TUSC3: variants seen among roughly 807,000 people sequenced by gnomAD.
The protein encoded by TUSC3 is dolichyl-diphosphooligosaccharide--protein glycosyltransferase subunit TUSC3.
In TUSC3, 45 loss-of-function variants were observed where a neutral mutation model predicts 44.8. The ratio of observed to expected loss-of-function variants is 1.00; its 90% CI spans 0.79 to 1.29. The LOEUF is 1.29. Among genes scored for constraint, TUSC3 ranks in the 50% most tolerant of loss-of-function variants. The probability of loss-of-function intolerance (pLI) is 0.00; values close to 1 mark genes in which losing one functional copy is unlikely to be tolerated. For synonymous variants in TUSC3, 212 were observed against 152.9 expected (o/e 1.39, Z -2.85); for missense variants, 519 against 437.9 (o/e 1.19, Z -1.65).
chr8:15,636,811 T>A (rs1034670777), intron 2 of TUSC3, among the ~76,000 whole-genome samples: 3 of 152,210 alleles, frequency 2.0e-5, no homozygotes, highest in African/African-American at 7.2e-5. Flanking sequence ...GTGTTGGGCC[T>A]CCTTTTTGGG....
chr8:15,452,614 A>T (rs1270858644), intron 1 of TUSC3, among the ~76,000 whole-genome samples: 1 of 152,190 alleles, frequency 6.6e-6, no homozygotes, highest in Non-Finnish European at 1.5e-5. Context: ...TATAAGGCAG[A>T]CTTACGTCTG....
the TUSC3 span, among the ~76,000 whole-genome samples, chr8:15,851,757 G>A: frequency 6.6e-6 from 1 of 152,052 alleles, no homozygotes; most frequent in African/African-American, 2.4e-5. Flanking sequence ...TAAGCTTTCT[G>A]GTTGCTTCCT....
intron 1 of TUSC3, among the ~76,000 whole-genome samples, chr8:15,570,751 A>G (rs916998654): frequency 1.3e-5 from 2 of 152,012 alleles, no homozygotes; most frequent in African/African-American, 4.8e-5. Flanking sequence ...GCCAGTATTC[A>G]AATGCAGAAC....
At chr8:15,554,641 C>T (rs1319160246) in intron 1 of TUSC3, among the ~76,000 whole-genome samples, 1 of 125,014 alleles carries the variant, frequency 8.0e-6, no homozygotes, top group Non-Finnish European at 1.6e-5. Flanking sequence ...CTCACTCTGT[C>T]GCCCAGGCTG....
intron 2 of TUSC3, among the ~76,000 whole-genome samples, chr8:15,499,023 C>G (rs889424306): frequency 6.7e-6 from 1 of 149,964 alleles, no homozygotes; most frequent in Admixed American, 6.6e-5. Context: ...CTTTTTTTTT[C>G]TCCTGTGGGT....
intron 1 of TUSC3, among the ~76,000 whole-genome samples, chr8:15,447,943 A>G (rs1037107377): frequency 6.6e-6 from 1 of 151,228 alleles, no homozygotes; most frequent in Admixed American, 6.6e-5. Flanking sequence ...ACATGTGGGT[A>G]TGTACATTAC....
At chr8:15,439,590 G>A (rs1799994807) in intron 1 of TUSC3, among the ~76,000 whole-genome samples, 1 of 152,138 alleles carries the variant, frequency 6.6e-6, no homozygotes, top group Non-Finnish European at 1.5e-5. Flanking sequence ...AGAAAAACAT[G>A]AAAGGGCAAA....
chr8:15,744,723 G>T (rs1020665228), intron 8 of TUSC3, among the ~76,000 whole-genome samples: 4 of 152,040 alleles, frequency 2.6e-5, no homozygotes, highest in Non-Finnish European at 5.9e-5. Flanking sequence ...ACTTTATCAT[G>T]TTGAATTTTA....
chr8:15,694,668 G>C (rs1809079134), intron 6 of TUSC3, among the ~76,000 whole-genome samples: 2 of 152,094 alleles, frequency 1.3e-5, no homozygotes, highest in South Asian at 4.1e-4. Flanking sequence ...GGGCATGGTT[G>C]ACTGGCTTTG....
chr8:15,646,661 T>C (rs1806647257), intron 2 of TUSC3, among the ~76,000 whole-genome samples: 1 of 152,152 alleles, frequency 6.6e-6, no homozygotes, highest in Non-Finnish European at 1.5e-5. Context: ...AACAATGTTA[T>C]GTGCTTCTTG....
intron 10 of TUSC3, among the ~76,000 whole-genome samples, chr8:15,761,748 C>G (rs1812176653): frequency 6.6e-6 from 1 of 152,074 alleles, no homozygotes; most frequent in African/African-American, 2.4e-5. Flanking sequence ...AAGCACACAT[C>G]AGGGGAATAC....
intron 1 of TUSC3, among the ~76,000 whole-genome samples, chr8:15,551,720 C>T (rs1563285385): frequency 6.6e-6 from 1 of 151,732 alleles, no homozygotes; most frequent in Non-Finnish European, 1.5e-5. Context: ...TACTGCCGGT[C>T]TCTTGTGTTC....
chr8:15,672,509 C>T (rs1178073484), intron 5 of TUSC3, among the ~76,000 whole-genome samples: 1 of 152,034 alleles, frequency 6.6e-6, no homozygotes, highest in Non-Finnish European at 1.5e-5. Flanking sequence ...CAAGGTTGCA[C>T]AGGTGCTGAA....
intron 2 of TUSC3, among the ~76,000 whole-genome samples, chr8:15,529,189 C>G (rs1801419504): frequency 6.6e-6 from 1 of 152,146 alleles, no homozygotes; most frequent in Non-Finnish European, 1.5e-5. Context: ...CAGGTGCATG[C>G]TGTTCAGTAC....
the TUSC3 span, among the ~76,000 whole-genome samples, chr8:15,796,404 C>G: frequency 6.6e-6 from 1 of 152,280 alleles, no homozygotes; most frequent in Non-Finnish European, 1.5e-5. Context: ...TGCCAAACAC[C>G]TAGGCCACTG....
At chr8:15,761,772 T>C (rs1025785526) in intron 10 of TUSC3, among the ~76,000 whole-genome samples, 1 of 152,150 alleles carries the variant, frequency 6.6e-6, no homozygotes, top group African/African-American at 2.4e-5. Context: ...CAGTTTTCAT[T>C]ATTGACAGTT....
the TUSC3 span, among the ~76,000 whole-genome samples, chr8:15,818,765 C>T: frequency 9.2e-5 from 14 of 152,210 alleles, no homozygotes; most frequent in Admixed American, 1.3e-4. Context: ...CATGTACTTG[C>T]TTCTGTTACA....
At chr8:15,823,526 T>C in the TUSC3 span, among the ~76,000 whole-genome samples, 1 of 152,172 alleles carries the variant, frequency 6.6e-6, no homozygotes, top group African/African-American at 2.4e-5. Context: ...TATTTATTCA[T>C]TATTGTAGAT....
intron 1 of TUSC3, among the ~76,000 whole-genome samples, chr8:15,436,568 T>TA (rs1400170395): frequency 6.6e-6 from 1 of 152,222 alleles, no homozygotes; most frequent in Non-Finnish European, 1.5e-5. Flanking sequence ...AGTCTTCATA[T>TA]AAACCGTATG....
Sources: gnomAD v4.1 joint callset for allele counts (sites outside exome capture counted in the v4.1 genomes callset) on GRCh38, gnomAD v4.1.1 for gene constraint, MANE v1.5 for transcripts, NCBI Gene and HGNC (gene_info 2026-07-23, HGNC 2026-07-21) for gene names.